Variants in PRIM2 observed in about 807,000 individuals in gnomAD.
The protein encoded by PRIM2 is DNA primase subunit 2, also known as DNA primase large subunit.
A neutral mutation model predicts 67.3 loss-of-function variants in PRIM2; 39 were observed. The ratio of observed to expected loss-of-function variants is 0.58; its 90% CI spans 0.45 to 0.76. The LOEUF (loss-of-function observed/expected upper bound fraction) is 0.76. Ranked by LOEUF, PRIM2 falls within the 30% of genes least tolerant of loss-of-function variation. PRIM2 has a pLI of 0.00. For missense variants in PRIM2, 398 were observed against 598.7 expected, an observed-to-expected ratio of 0.66 and a Z score of 3.50; for synonymous variants, 143 against 198.7, an observed-to-expected ratio of 0.72 and a Z score of 2.36.
chr6:57,557,992 G>T (rs1775549698), intron 10 of PRIM2, among the ~76,000 whole-genome samples: 1 of 152,162 alleles, frequency 6.6e-6, no homozygotes, highest in Non-Finnish European at 1.5e-5. Context: ...TTAGTCTCCT[G>T]AGAGGGAAGT....
chr6:57,296,870 G>A, the PRIM2 span, among the ~76,000 whole-genome samples: 18 of 152,278 alleles, frequency 1.2e-4, no homozygotes, highest in African/African-American at 4.3e-4. Context: ...ATTGTGTGGT[G>A]TTGAGAAGTA....
chr6:57,505,138 T>C (rs1774225384), intron 7 of PRIM2: 1 of 152,162 alleles, frequency 6.6e-6, no homozygotes, highest in African/African-American at 2.4e-5. Context: ...TTAAAGAGCT[T>C]TGGAATAGCT....
At chr6:57,408,099 A>G (rs1185080728) in intron 7 of PRIM2, among the ~76,000 whole-genome samples, 1 of 152,112 alleles carries the variant, frequency 6.6e-6, no homozygotes, top group African/African-American at 2.4e-5. Context: ...CCCACTTTGG[A>G]TACGTGTTGG....
intron 10 of PRIM2, among the ~76,000 whole-genome samples, chr6:57,593,304 C>T (rs1776313299): frequency 6.6e-6 from 1 of 151,694 alleles, no homozygotes. Context: ...TTCTTCCTAC[C>T]TCTTTTTTTT....
intron 7 of PRIM2, among the ~76,000 whole-genome samples, chr6:57,410,231 G>A (rs1393681883): frequency 2.1e-4 from 32 of 151,264 alleles, no homozygotes; most frequent in Non-Finnish European, 4.1e-4. Flanking sequence ...GGCTGAGGCA[G>A]GAGAATTGCT....
intron 7 of PRIM2, chr6:57,434,832 A>C (rs1293002518): frequency 6.6e-6 from 1 of 151,630 alleles, no homozygotes; most frequent in Non-Finnish European, 1.5e-5. Flanking sequence ...CCCAGGCTGG[A>C]TGGCACAATC....
chr6:57,628,053 A>G (rs1776982920), intron 12 of PRIM2, among the ~76,000 whole-genome samples: 1 of 152,228 alleles, frequency 6.6e-6, no homozygotes, highest in Admixed American at 6.5e-5. Flanking sequence ...TTCTTTCAGA[A>G]TGGAACATGA....
chr6:57,423,626 G>T (rs1434006826), intron 7 of PRIM2, among the ~76,000 whole-genome samples: 1 of 152,164 alleles, frequency 6.6e-6, no homozygotes, highest in Non-Finnish European at 1.5e-5. Context: ...AGACTAAGAC[G>T]TGGTCATTGT....
At chr6:57,426,252 C>T (rs1771621081) in intron 7 of PRIM2, among the ~76,000 whole-genome samples, 1 of 152,284 alleles carries the variant, frequency 6.6e-6, no homozygotes, top group African/African-American at 2.4e-5. Flanking sequence ...ATCTCAAACT[C>T]TCCGTCCCAA....
chr6:57,622,417 G>A (rs1194998621), intron 12 of PRIM2, among the ~76,000 whole-genome samples: 1 of 152,104 alleles, frequency 6.6e-6, no homozygotes, highest in African/African-American at 2.4e-5. Context: ...TGTTTCTACA[G>A]TGTATTTTAA....
the PRIM2 span, among the ~76,000 whole-genome samples, chr6:57,305,219 G>A: frequency 2.6e-5 from 4 of 152,302 alleles, no homozygotes; most frequent in Middle Eastern, 3.4e-3. Context: ...CCAACTGAGA[G>A]AAAATATTGT....
intron 7 of PRIM2, among the ~76,000 whole-genome samples, chr6:57,437,683 T>G (rs998147829): frequency 8.5e-6 from 1 of 117,566 alleles, no homozygotes; most frequent in African/African-American, 3.3e-5. Flanking sequence ...TTTTTTTTTT[T>G]AAGACAGGGT....
chr6:57,434,662 C>T (rs75333629), intron 7 of PRIM2, among the ~76,000 whole-genome samples: 1,552 of 151,866 alleles, frequency 0.01, 28 homozygotes, highest in African/African-American at 0.034. Context: ...TTTTTTCTTT[C>T]GCTTGACTGC....
intron 5 of PRIM2, among the ~76,000 whole-genome samples, chr6:57,377,554 T>G (rs2127331081): frequency 6.6e-6 from 1 of 151,990 alleles, no homozygotes; most frequent in African/African-American, 2.4e-5. Flanking sequence ...ATCTGGGATC[T>G]GAGATCTCAG....
At chr6:57,470,409 TCTCCCCCTCTCCCCTCTCC>T (rs2127401381) in intron 7 of PRIM2, among the ~76,000 whole-genome samples, 5 of 64,386 alleles carry the variant, frequency 7.8e-5, no homozygotes, top group Non-Finnish European at 9.2e-5. Context: ...CCCTCTCCCC[TCTCCCCCTCTCCCCTCTCC>T]CCCTCTCCCC....
intron 10 of PRIM2, among the ~76,000 whole-genome samples, chr6:57,540,296 G>A (rs1286035204): frequency 6.7e-5 from 10 of 149,962 alleles, no homozygotes; most frequent in African/African-American, 4.9e-5. Flanking sequence ...CACACAGCGA[G>A]AGAGAGAGAG....
intron 5 of PRIM2, among the ~76,000 whole-genome samples, chr6:57,358,088 A>G (rs1769092065): frequency 6.6e-6 from 1 of 152,212 alleles, no homozygotes; most frequent in Non-Finnish European, 1.5e-5. Context: ...GTTGTTCCCC[A>G]GAAGATACAT....
chr6:57,419,243 G>A (rs1771381720), intron 7 of PRIM2, among the ~76,000 whole-genome samples: 1 of 152,018 alleles, frequency 6.6e-6, no homozygotes, highest in Admixed American at 6.5e-5. Context: ...CCATTGATGG[G>A]GAATGACTGG....
intron 7 of PRIM2, among the ~76,000 whole-genome samples, chr6:57,500,881 G>T (rs1162914259): frequency 1.3e-5 from 2 of 152,164 alleles, no homozygotes; most frequent in African/African-American, 4.8e-5. Context: ...AAACAGAATT[G>T]CAAACATGTT....
Sources: allele counts gnomAD v4.1 joint callset (sites outside exome capture counted in the v4.1 genomes callset), GRCh38; gene constraint gnomAD v4.1.1; transcripts MANE v1.5; gene names NCBI Gene and HGNC (gene_info 2026-07-23, HGNC 2026-07-21).